GADL1: variants seen among roughly 807,000 people sequenced by gnomAD.
The protein encoded by GADL1 is GAD like acidic amino acid decarboxylase 1, also known as acidic amino acid decarboxylase GADL1.
A neutral mutation model predicts 69.5 loss-of-function variants in GADL1; 71 were observed. That is an observed-to-expected ratio of 1.02 (90% CI 0.84 to 1.25). The LOEUF is 1.25. Ranked by LOEUF, GADL1 falls within the 50% of genes most tolerant of loss-of-function variation. The pLI is 0.00. For missense variants in GADL1, 737 were observed against 631.8 expected, an observed-to-expected ratio of 1.17 and a Z score of -1.79; for synonymous variants, 254 against 214.4, an observed-to-expected ratio of 1.18 and a Z score of -1.62.
intron 14 of GADL1, among the ~76,000 whole-genome samples, chr3:30,746,187 C>T (rs944870875): frequency 2.0e-5 from 3 of 151,982 alleles, no homozygotes; most frequent in Non-Finnish European, 4.4e-5. Context: ...CAGGGTTTCA[C>T]CATGTTCACC....
At chr3:30,759,384 C>T (rs536909792) in intron 14 of GADL1, among the ~76,000 whole-genome samples, 2 of 152,306 alleles carry the variant, frequency 1.3e-5, no homozygotes, top group African/African-American at 2.4e-5. Context: ...CTTGTTCCTG[C>T]TCATAATTCT....
intron 11 of GADL1, among the ~76,000 whole-genome samples, chr3:30,829,996 G>A (rs896778720): frequency 6.6e-6 from 1 of 151,912 alleles, no homozygotes; most frequent in Non-Finnish European, 1.5e-5. Context: ...AAAGAAGAGG[G>A]TGACAATAAG....
chr3:30,798,312 T>C (rs1271207220), intron 12 of GADL1: 2 of 152,646 alleles, frequency 1.3e-5, no homozygotes, highest in East Asian at 1.9e-4. Context: ...ATTGAACTTA[T>C]AGTTCCACAG....
In GADL1 at chr3:30,786,402, G is replaced by C. The variant is rs1201001668; in HGVS notation, c.1255C>G (p.Leu419Val). 1 of 1,448,032 alleles carries C rather than the reference G, an allele frequency of 6.9e-7. No homozygotes were observed. Among genetic ancestry groups the C allele is most frequent in the African/African-American group, 1.4e-5 (1 of 70,350 alleles). 89.7% of individuals were successfully genotyped at this position (1,448,032 alleles called of 1,614,324 possible). ...VNRALALSRYLVDEIKKREGF... is the reference protein window; with the variant it reads ...VNRALALSRYVVDEIKKREGF... Reference sequence around the variant, plus strand: ...TCTCTTTTCTTGATTTCATCTACTAGGTACCTAAAATTAAAAGTCACAATA... The same window carrying C: ...TCTCTTTTCTTGATTTCATCTACTACGTACCTAAAATTAAAAGTCACAATA... Residue 419 changes from leucine to valine, a missense_variant, in exon 13 of 15, where the codon CTA becomes GTA. Transcript: ENST00000282538.
chr3:30,778,225 AGGCTC>A lies in GADL1; in HGVS notation c.1341_1345del (p.Ser448GlnfsTer14), dbSNP rs1231062193. 6.2e-7 allele frequency: 1 copy of A among 1,612,922 alleles called. No homozygotes were observed. The highest frequency in any genetic ancestry group is 1.7e-5 in the Admixed American group (1 of 60,004). On this transcript the variant is annotated frameshift_variant, in exon 14 of 15. Transcript: ENST00000282538. LOFTEE classifies it high-confidence loss of function. ...CTCGGGTCCTTCTTCCATCTCTCTG[AGGCTC>A]GGTGGAATGTACCAAAAGCAAATAT... is the stretch of plus-strand genomic sequence containing the variant.
At chr3:30,795,840 A>G (rs1697021316) in intron 12 of GADL1, among the ~76,000 whole-genome samples, 1 of 152,190 alleles carries the variant, frequency 6.6e-6, no homozygotes, top group African/African-American at 2.4e-5. Context: ...TTGGATATCA[A>G]GAGTGTGGAA....
At chr3:30,730,694 T>A (rs1283549750) in intron 14 of GADL1, among the ~76,000 whole-genome samples, 2 of 152,158 alleles carry the variant, frequency 1.3e-5, no homozygotes, top group African/African-American at 4.8e-5. Flanking sequence ...ACATTAAAAA[T>A]TTAAATATAA....
chr3:30,833,348 C>T (rs1389427085), intron 11 of GADL1, among the ~76,000 whole-genome samples: 1 of 152,100 alleles, frequency 6.6e-6, no homozygotes, highest in African/African-American at 2.4e-5. Flanking sequence ...GTACCAACCA[C>T]TTGGGATGAG....
intron 12 of GADL1, among the ~76,000 whole-genome samples, chr3:30,791,935 C>T (rs781397683): frequency 3.3e-5 from 5 of 152,174 alleles, no homozygotes; most frequent in Non-Finnish European, 5.9e-5. Flanking sequence ...CTTTGCTCCC[C>T]TTTCACCTTC....
intron 12 of GADL1, among the ~76,000 whole-genome samples, chr3:30,794,717 T>C (rs1297818142): frequency 2.6e-4 from 39 of 152,204 alleles, no homozygotes; most frequent in Non-Finnish European, 1.0e-4. Context: ...CCTTGCTAAA[T>C]TTCTGACAAC....
chr3:30,830,711 T>C (rs1697773325), intron 11 of GADL1, among the ~76,000 whole-genome samples: 1 of 152,028 alleles, frequency 6.6e-6, no homozygotes, highest in South Asian at 2.1e-4. Flanking sequence ...AATTCTGTAA[T>C]AGACTTTACC....
intron 1 of GADL1, among the ~76,000 whole-genome samples, chr3:30,872,723 T>C (rs1416062791): frequency 6.6e-6 from 1 of 151,888 alleles, no homozygotes; most frequent in African/African-American, 2.4e-5. Flanking sequence ...TAATTATTTA[T>C]CTTTCTCTAA....
intron 11 of GADL1, among the ~76,000 whole-genome samples, chr3:30,827,703 G>A (rs1697705934): frequency 6.6e-6 from 1 of 151,778 alleles, no homozygotes; most frequent in Admixed American, 6.6e-5. Flanking sequence ...AAAATTACCC[G>A]TTGCTTATTA....
At position 30,756,213 on chromosome 3, in the gene GADL1, C is replaced by T. The variant is rs146565275; in HGVS notation, c.1392+21966G>A. ...TGTTTTTATGGACCATGACAATGAA[C>T]ATGGAGCTTGGTAACAAGAGAAACG... On this transcript the variant is annotated intron_variant, in intron 14 of 14. Coordinates refer to ENST00000282538, the MANE Select transcript of GADL1 (RefSeq NM_207359.3). 5.0e-3 allele frequency among the ~76,000 whole-genome samples: 763 copies of T among 152,262 alleles called. 7 individuals carry two copies. Among genetic ancestry groups the T allele is most frequent in the African/African-American group, 0.018 (736 of 41,532 alleles).
intron 9 of GADL1, among the ~76,000 whole-genome samples, chr3:30,837,866 C>T (rs17026651): frequency 5.3e-5 from 8 of 152,138 alleles, no homozygotes; most frequent in Non-Finnish European, 5.9e-5. Flanking sequence ...ATCCCGTTAA[C>T]GAGTCACGGA....
intron 14 of GADL1, among the ~76,000 whole-genome samples, chr3:30,744,428 A>G (rs1400645683): frequency 6.6e-6 from 1 of 152,190 alleles, no homozygotes; most frequent in Non-Finnish European, 1.5e-5. Flanking sequence ...GTGAAGAGCC[A>G]GATAGTAGCT....
intron 8 of GADL1, among the ~76,000 whole-genome samples, chr3:30,841,959 G>A (rs1345912563): frequency 6.6e-6 from 1 of 152,194 alleles, no homozygotes; most frequent in Non-Finnish European, 1.5e-5. Context: ...GGATGGTGCA[G>A]AGGAGGTGAG....
chr3:30,859,770 C>T (rs1409835457), intron 2 of GADL1, among the ~76,000 whole-genome samples: 2 of 151,860 alleles, frequency 1.3e-5, no homozygotes, highest in East Asian at 3.9e-4. Flanking sequence ...TTTAATGGTG[C>T]TCTGTTGGAT....
chr3:30,869,629 A>AT (rs1467170546), intron 1 of GADL1, among the ~76,000 whole-genome samples: 2 of 148,044 alleles, frequency 1.4e-5, no homozygotes, highest in East Asian at 2.0e-4. Flanking sequence ...TATCTATTTT[A>AT]TTTTATTTTT....
Sources: gnomAD v4.1 joint callset for allele counts (sites outside exome capture counted in the v4.1 genomes callset) on GRCh38, gnomAD v4.1.1 for gene constraint, MANE v1.5 for transcripts, NCBI Gene and HGNC (gene_info 2026-07-23, HGNC 2026-07-21) for gene names.